The following OR9Q2 variants were observed in gnomAD, a reference collection of about 807,000 sequenced individuals.
OR9Q2 encodes olfactory receptor family 9 subfamily Q member 2.
In OR9Q2, 2 loss-of-function variants were observed where a neutral mutation model predicts 2.3. The ratio of observed to expected loss-of-function variants is 0.85; its 90% CI spans 0.35 to 2.68. OR9Q2 has a LOEUF of 2.68. Ranked by LOEUF, OR9Q2 falls within the 30% of genes most tolerant of loss-of-function variation. The probability of loss-of-function intolerance (pLI) is 0.10; values close to 1 mark genes in which losing one functional copy is unlikely to be tolerated. For missense variants in OR9Q2, 404 were observed against 395.7 expected (o/e 1.02, Z -0.18); for synonymous variants, 178 against 158.6 (o/e 1.12, Z -0.92).
At position 58,192,757 on chromosome 11, in the gene OR9Q2, A is replaced by G. The variant is rs1383952497; in HGVS notation, c.*1322A>G. ...AACACCTATGGCCAAGAGGTTTGGG[A>G]TCATATATCAGCTCTGGTAGAAATC... On this transcript the variant is annotated 3_prime_UTR_variant, in exon 2 of 2. Coordinates refer to ENST00000641291, the MANE Select transcript of OR9Q2 (RefSeq NM_001005283.3). 6.6e-6 allele frequency: 1 copy of G among 152,220 alleles called. No homozygotes were observed. The highest frequency in any genetic ancestry group is 1.5e-5 in the Non-Finnish European group (1 of 68,032). 9.4% of individuals were successfully genotyped at this position (152,220 alleles called of 1,614,324 possible). A position where few individuals can be genotyped will look rare whatever the true frequency, so the allele number is the denominator to read the frequency against.
In OR9Q2 at chr11:58,191,193, G is replaced by A; in HGVS notation, c.703G>A (p.Ala235Thr). 6.2e-7 allele frequency: 1 copy of A among 1,614,118 alleles called. No individual in the cohort carries two copies. Among genetic ancestry groups the A allele is most frequent in the Non-Finnish European group, 8.5e-7 (1 of 1,180,016 alleles). The change falls in exon 2 of 2, where the codon GCC becomes ACC. Residue 235 changes from alanine to threonine, a missense_variant. By Grantham distance (58) the Ala-to-Thr change is moderately conservative. Transcript: ENST00000641291. ...GCAGATCCACTCTGCTGGAGGCCGG[G>A]CCAAGACCTTCTCCACCTGCGCCTC... The part of the protein sequence containing the change: ...ILQIHSAGGR[A>T]KTFSTCASHL...
At position 58,193,797 on chromosome 11, in the gene OR9Q2, G is replaced by T. The variant is rs563848790; in HGVS notation, c.*2362G>T. 1 of 152,266 alleles carries T rather than the reference G, an allele frequency of 6.6e-6. No individual in the cohort carries two copies. The highest frequency in any genetic ancestry group is 2.1e-4 in the South Asian group (1 of 4,822). The allele number at this position is 152,266 out of a possible 1,614,324, so 9.4% of individuals were successfully genotyped here. A position where few individuals can be genotyped will look rare whatever the true frequency, so the allele number is the denominator to read the frequency against. On this transcript the variant is annotated 3_prime_UTR_variant, in exon 2 of 2. Transcript: ENST00000641291. ...TTTGGCCCTCTTGTAGGCCAATGAG[G>T]AGAGTCTGGGGGAATCTATAACTCC...
chr11:58,190,640 T>C lies in OR9Q2; in HGVS notation c.150T>C (p.Arg50=), dbSNP rs1241511902. The change falls in exon 2 of 2, where the codon CGT becomes CGC. Residue 50 remains arginine (R), a synonymous_variant. Transcript: ENST00000641291. The part of the protein sequence containing the change: ...LGNTGMILLI[R]GDRRLHTPMY... ...ACACAGGCATGATCCTCCTGATCCG[T>C]GGCGATCGTCGGCTCCACACCCCGA... The C allele has an allele frequency of 1.2e-6, 2 of 1,614,178 alleles. No individual in the cohort carries two copies. Among genetic ancestry groups the C allele is most frequent in the Non-Finnish European group, 8.5e-7 (1 of 1,180,030 alleles).
chr11:58,193,785 T>C lies in OR9Q2; in HGVS notation c.*2350T>C, dbSNP rs1854785728. On this transcript the variant is annotated 3_prime_UTR_variant, in exon 2 of 2. Coordinates refer to ENST00000641291, the MANE Select transcript of OR9Q2 (RefSeq NM_001005283.3). ...CATGGAACTCATTTTGGCCCTCTTG[T>C]AGGCCAATGAGGAGAGTCTGGGGGA... The C allele has an allele frequency of 6.6e-6, 1 of 152,186 alleles. No individual in the cohort carries two copies. Among genetic ancestry groups the C allele is most frequent in the Admixed American group, 6.5e-5 (1 of 15,280 alleles). The allele number at this position is 152,186 out of a possible 1,614,324, so 9.4% of individuals were successfully genotyped here.
chr11:58,190,917 G>T lies in OR9Q2; in HGVS notation c.427G>T (p.Gly143Cys), dbSNP rs912560586. ...VTIITEKARW[G>C]LVTGAYVAGF... ...CATCATAACCGAGAAGGCCCGCTGG[G>T]GCCTAGTCACTGGGGCTTACGTTGC... The change falls in exon 2 of 2, where the codon GGC (glycine) becomes TGC (cysteine). Residue 143 changes from glycine (G) to cysteine (C), a missense_variant. By Grantham distance (159) the Gly-to-Cys change is radical. Transcript: ENST00000641291. The T allele has an allele frequency of 1.2e-6, 2 of 1,614,192 alleles. No homozygotes were observed. The highest frequency in any genetic ancestry group is 1.1e-5 in the South Asian group (1 of 91,074).
chr11:58,189,574 C>G (rs957636685), intron 1 of OR9Q2, among the ~76,000 whole-genome samples: 3 of 152,164 alleles, frequency 2.0e-5, no homozygotes, highest in Non-Finnish European at 4.4e-5. Context: ...ACTATCAAAG[C>G]CCTCCTTTAC....
intron 1 of OR9Q2, among the ~76,000 whole-genome samples, chr11:58,189,776 CA>C (rs930600462): frequency 5.9e-4 from 90 of 152,178 alleles, no homozygotes; most frequent in African/African-American, 2.0e-3. Context: ...GTTAGGTGCC[CA>C]AAAAAACTTA....
chr11:58,189,123 A>G lies in OR9Q2; in HGVS notation c.-173+15A>G, dbSNP rs1395307459. 1 of 152,166 alleles carries G rather than the reference A, an allele frequency of 6.6e-6. No individual in the cohort carries two copies. The allele number at this position is 152,166 out of a possible 1,614,324, so 9.4% of individuals were successfully genotyped here. ...GTTATCTCAAAGTAAGTCTAGAAAA[A>G]TCTAAGGAAACACTAGTGTCAGGGA... is the stretch of plus-strand genomic sequence containing the variant. On this transcript the variant is annotated intron_variant, in intron 1 of 1. Coordinates refer to ENST00000641291, the MANE Select transcript of OR9Q2 (RefSeq NM_001005283.3).
At position 58,191,188 on chromosome 11, in the gene OR9Q2, G is replaced by T; in HGVS notation, c.698G>T (p.Gly233Val). The T allele has an allele frequency of 6.2e-7, 1 of 1,614,098 alleles. No individual in the cohort carries two copies. Among genetic ancestry groups the T allele is most frequent in the African/African-American group, 1.3e-5 (1 of 75,004 alleles). Residue 233 changes from glycine to valine, a missense_variant, in exon 2 of 2, where the codon GGC (glycine) becomes GTC (valine). Physicochemically the swap from Gly to Val is moderately radical, Grantham distance 109. Coordinates refer to ENST00000641291, the MANE Select transcript of OR9Q2 (RefSeq NM_001005283.3). ...VAILQIHSAG[G>V]RAKTFSTCAS... ...ATCCTGCAGATCCACTCTGCTGGAG[G>T]CCGGGCCAAGACCTTCTCCACCTGC... is the stretch of plus-strand genomic sequence containing the variant.
Position 58,190,956 on chromosome 11 carries a change from G to T in OR9Q2, c.466G>T (p.Ala156Ser). ...TGAYVAGFFSAFVRTVTAFTL... is the reference protein window; with the variant it reads ...TGAYVAGFFSSFVRTVTAFTL... ...GGCTTACGTTGCTGGTTTTTTCAGT[G>T]CCTTTGTTCGAACGGTCACAGCCTT... The change falls in exon 2 of 2, where the codon GCC becomes TCC. Residue 156 changes from alanine (A) to serine (S), a missense_variant. Ala to Ser is a moderately conservative substitution (Grantham distance 99). Coordinates refer to ENST00000641291, the MANE Select transcript of OR9Q2 (RefSeq NM_001005283.3). The T allele has an allele frequency of 6.2e-7, 1 of 1,614,198 alleles. No homozygotes were observed. Among genetic ancestry groups the T allele is most frequent in the Non-Finnish European group, 8.5e-7 (1 of 1,180,040 alleles).
chr11:58,190,636 TC>T lies in OR9Q2; in HGVS notation c.148del (p.Arg50ValfsTer87). ...MLGNTGMILL[I>X]RGDRRLHTPM... The stretch of plus-strand genomic sequence containing the variant: ...GGGAACACAGGCATGATCCTCCTGA[TC>T]CGTGGCGATCGTCGGCTCCACACCC... On this transcript the variant is annotated frameshift_variant, in exon 2 of 2. Transcript: ENST00000641291. LOFTEE classifies it high-confidence loss of function. 1 of 1,614,126 alleles carries T rather than the reference TC, an allele frequency of 6.2e-7. No homozygotes were observed. Among genetic ancestry groups the T allele is most frequent in the Non-Finnish European group, 8.5e-7 (1 of 1,180,010 alleles).
chr11:58,189,560 A>G (rs764717092), intron 1 of OR9Q2, among the ~76,000 whole-genome samples: 1 of 152,166 alleles, frequency 6.6e-6, no homozygotes, highest in Non-Finnish European at 1.5e-5. Context: ...ACAGGTACTC[A>G]AACACTATCA....
In OR9Q2 at chr11:58,191,485, CT is replaced by C. The variant is rs1275354825; in HGVS notation, c.*54del. ...TCCTTAGTTTCCCCATCTTTTCTGTCTTTTCTCAATAGCACCTTCTGGAGAG... is the reference window on the plus strand; with the variant it reads ...TCCTTAGTTTCCCCATCTTTTCTGTCTTTCTCAATAGCACCTTCTGGAGAG... On this transcript the variant is annotated 3_prime_UTR_variant, in exon 2 of 2. Coordinates refer to ENST00000641291, the MANE Select transcript of OR9Q2 (RefSeq NM_001005283.3). 5 of 1,357,576 alleles carry C rather than the reference CT, an allele frequency of 3.7e-6. No homozygotes were observed. The African/African-American group carries it at 7.3e-5, about 20-fold the overall frequency. 84.1% of individuals were successfully genotyped at this position (1,357,576 alleles called of 1,614,324 possible).
rs1482123264 is a variant in OR9Q2, at chr11:58,191,333, G to A, written c.843G>A (p.Val281=). The change falls in exon 2 of 2, where the codon GTG becomes GTA. Residue 281 remains valine (V), a synonymous_variant. Transcript: ENST00000641291. ...DRVVSVLYTV[V]TPMLNPLIYS... is the part of the protein sequence containing the mutation. ...TGGTGTCTGTGCTCTACACGGTGGT[G>A]ACCCCAATGCTGAATCCCCTTATCT... 2.5e-6 allele frequency: 4 copies of A among 1,613,960 alleles called. No homozygotes were observed. The highest frequency in any genetic ancestry group is 1.7e-5 in the Admixed American group (1 of 59,994).
In OR9Q2 at chr11:58,192,146, T is replaced by TAATAATAATAATAGC. The variant is rs758130333; in HGVS notation, c.*712_*713insATAATAATAATAGCA. 5 of 150,310 alleles carry TAATAATAATAATAGC rather than the reference T, an allele frequency of 3.3e-5. No homozygotes were observed. Among genetic ancestry groups the TAATAATAATAATAGC allele is most frequent in the Admixed American group, 1.3e-4 (2 of 15,078 alleles). The allele number at this position is 150,310 out of a possible 1,614,324, so 9.3% of individuals were successfully genotyped here. On this transcript the variant is annotated 3_prime_UTR_variant, in exon 2 of 2. Transcript: ENST00000641291. Reference sequence around the variant, plus strand: ...ATAATAATAATAATAATAATAATAATAGCAAGTTACACTTATTAGGCATTA... The same window carrying TAATAATAATAATAGC: ...ATAATAATAATAATAATAATAATAATAATAATAATAATAGCAGCAAGTTACACTTATTAGGCATTA...
In OR9Q2 at chr11:58,191,420, T is replaced by C; in HGVS notation, c.930T>C (p.Pro310=). Reference sequence around the variant, plus strand: ...GGAAAGCCCTGAGCAAATCAAAGCCTGCTAGAAGACCCTAAATGGACCCTT... The same window carrying C: ...GGAAAGCCCTGAGCAAATCAAAGCCCGCTAGAAGACCCTAAATGGACCCTT... ...ATRKALSKSK[P]ARRP is the part of the protein sequence containing the mutation. The change falls in exon 2 of 2, where the codon CCT becomes CCC. Residue 310 remains proline (P), a synonymous_variant. Transcript: ENST00000641291. 6.3e-7 allele frequency: 1 copy of C among 1,597,392 alleles called. No homozygotes were observed.
In OR9Q2 at chr11:58,192,864, A is replaced by G. The variant is rs888332225; in HGVS notation, c.*1429A>G. On this transcript the variant is annotated 3_prime_UTR_variant, in exon 2 of 2. Transcript: ENST00000641291. ...TTTTCCAAATATTAACTGTCATGCA[A>G]ATATTTTCAGAGCACACCAACATCT... 1.3e-5 allele frequency: 2 copies of G among 152,192 alleles called. No homozygotes were observed. Among genetic ancestry groups the G allele is most frequent in the African/African-American group, 2.4e-5 (1 of 41,444 alleles). 9.4% of individuals were successfully genotyped at this position (152,192 alleles called of 1,614,324 possible).
chr11:58,190,188 C>T, intron 1 of OR9Q2, 131 bp from the exon 2 acceptor site: 1 of 345,366 alleles, frequency 2.9e-6, no homozygotes, highest in Non-Finnish European at 5.3e-6. Flanking sequence ...AGGTTAAGTG[C>T]CTTGTGTAAG....
In OR9Q2 at chr11:58,191,201, C is replaced by G. The variant is rs763962505; in HGVS notation, c.711C>G (p.Thr237=). 1 of 1,614,166 alleles carries G rather than the reference C, an allele frequency of 6.2e-7. No homozygotes were observed. The highest frequency in any genetic ancestry group is 8.5e-7 in the Non-Finnish European group (1 of 1,180,030). ...QIHSAGGRAK[T]FSTCASHLTA... ...ACTCTGCTGGAGGCCGGGCCAAGAC[C>G]TTCTCCACCTGCGCCTCCCACCTCA... The change falls in exon 2 of 2, where the codon ACC becomes ACG. Residue 237 remains threonine (T), a synonymous_variant. Transcript: ENST00000641291.
Sources: allele counts gnomAD v4.1 joint callset (sites outside exome capture counted in the v4.1 genomes callset), GRCh38; gene constraint gnomAD v4.1.1; transcripts MANE v1.5; gene names NCBI Gene and HGNC (gene_info 2026-07-23, HGNC 2026-07-21).